DPP6: variants seen among roughly 807,000 people sequenced by gnomAD.
DPP6 encodes A-type potassium channel modulatory protein DPP6.
DPP6 carries 69 observed loss-of-function variants against 122.6 expected under a neutral mutation model. The observed-to-expected ratio is 0.56, with a 90% CI of 0.46 to 0.69. The LOEUF (loss-of-function observed/expected upper bound fraction) is 0.69, where lower values mean the gene tolerates loss of function less well. Among genes scored for constraint, DPP6 ranks in the 30% least tolerant of loss-of-function variants. The pLI, the probability that DPP6 is intolerant of heterozygous loss-of-function variation, is 0.00. For synonymous variants in DPP6, 418 were observed against 433.1 expected (o/e 0.97, Z 0.43); for missense variants, 928 against 1,116.9 (o/e 0.83, Z 2.41).
chr7:153,916,847 AAAG>A (rs567684868), intron 1 of DPP6, among the ~76,000 whole-genome samples: 1 of 152,338 alleles, frequency 6.6e-6, no homozygotes, highest in East Asian at 1.9e-4. Context: ...TGTGTATTTT[AAAG>A]AAGAATTTCT....
intron 8 of DPP6, among the ~76,000 whole-genome samples, chr7:154,746,464 C>T (rs1268047466): frequency 2.0e-5 from 3 of 152,146 alleles, no homozygotes; most frequent in African/African-American, 7.2e-5. Context: ...GCACCCCTCA[C>T]CCCCAGCTTG....
chr7:153,992,090 C>T (rs952877110), intron 1 of DPP6, among the ~76,000 whole-genome samples: 1 of 151,964 alleles, frequency 6.6e-6, no homozygotes, highest in Admixed American at 6.6e-5. Context: ...GGTGGAGCCT[C>T]ATGATTTGAA....
intron 1 of DPP6, among the ~76,000 whole-genome samples, chr7:154,125,683 G>C (rs1585428786): frequency 6.6e-6 from 1 of 152,182 alleles, no homozygotes; most frequent in African/African-American, 2.4e-5. Flanking sequence ...TAGGTGTGAT[G>C]GCTCCTTGGG....
At chr7:154,007,585 G>T (rs1346281777) in intron 1 of DPP6, among the ~76,000 whole-genome samples, 1 of 152,146 alleles carries the variant, frequency 6.6e-6, no homozygotes, top group East Asian at 1.9e-4. Context: ...AGATGAGGCC[G>T]CAAGTACTTA....
At chr7:154,536,145 A>T (rs189078793) in intron 3 of DPP6, among the ~76,000 whole-genome samples, 7 of 152,292 alleles carry the variant, frequency 4.6e-5, no homozygotes, top group Non-Finnish European at 7.4e-5. Context: ...ATGGAATAAC[A>T]TGGATAAATC....
chr7:154,450,539 T>A (rs1361648573), intron 2 of DPP6, among the ~76,000 whole-genome samples: 1 of 142,922 alleles, frequency 7.0e-6, no homozygotes, highest in African/African-American at 2.8e-5. Context: ...AAAACTTGTG[T>A]AACTCCAAAG....
At chr7:153,808,411 ATG>A in the DPP6 span, among the ~76,000 whole-genome samples, 5 of 141,768 alleles carry the variant, frequency 3.5e-5, no homozygotes, top group Non-Finnish European at 5.9e-5. Flanking sequence ...GTGTGCCTGT[ATG>A]TGTGTCTGTG....
intron 16 of DPP6, among the ~76,000 whole-genome samples, chr7:154,837,414 G>A (rs572430080): frequency 2.0e-5 from 3 of 151,838 alleles, no homozygotes; most frequent in Admixed American, 1.3e-4. Context: ...ATGTTCACAC[G>A]TGTATGCATA....
the DPP6 span, among the ~76,000 whole-genome samples, chr7:153,844,630 T>G: frequency 2.0e-5 from 3 of 152,244 alleles, no homozygotes; most frequent in Admixed American, 2.0e-4. Flanking sequence ...AAAAGCATTC[T>G]TAGTTCATGG....
At chr7:154,846,646 T>C (rs1801966761) in intron 16 of DPP6, among the ~76,000 whole-genome samples, 1 of 152,188 alleles carries the variant, frequency 6.6e-6, no homozygotes, top group African/African-American at 2.4e-5. Context: ...TGCAAAGATA[T>C]ATGTAAGAGG....
chr7:154,853,719 T>C, intron 16 of DPP6, 61 bp from the exon 17 acceptor site: 1 of 1,478,376 alleles, frequency 6.8e-7, no homozygotes, highest in South Asian at 1.3e-5. Context: ...GTTTTCTTGT[T>C]CTCGGCTAAA....
chr7:154,801,424 C>T lies in DPP6; in HGVS notation c.1369C>T (p.Arg457Ter), dbSNP rs369233708. The T allele has an allele frequency of 3.8e-6, 6 of 1,593,780 alleles. No homozygotes were observed. Among genetic ancestry groups the T allele is most frequent in the Non-Finnish European group, 4.3e-6 (5 of 1,169,352 alleles). The change falls in exon 13 of 26, where the codon CGA (arginine) becomes TGA (stop). Residue 457 changes from arginine to a stop codon, truncating the protein, a stop_gained. Transcript: ENST00000377770. LOFTEE classifies it high-confidence loss of function. ...CATCAGAGCCATCCCCCAGGGAGGA[C>T]GAGGGAAATTCTATCACATCACGGT... Reference protein sequence around the residue: ...FFIRAIPQGGRGKFYHITVSS... With the variant: ...FFIRAIPQGG
upstream of DPP6, among the ~76,000 whole-genome samples, chr7:154,050,491 T>C (rs1351683394): frequency 1.3e-5 from 2 of 152,012 alleles, no homozygotes; most frequent in African/African-American, 4.8e-5. Flanking sequence ...TTTAGTGAAA[T>C]GTCAGGATCG....
chr7:154,584,744 T>C (rs1459533088), intron 5 of DPP6, among the ~76,000 whole-genome samples: 14 of 152,238 alleles, frequency 9.2e-5, no homozygotes, highest in Admixed American at 9.2e-4. Context: ...GAGGGCTTTA[T>C]TGTTATAAAT....
chr7:154,209,555 AC>A (rs750116929), intron 1 of DPP6, among the ~76,000 whole-genome samples: 2,358 of 37,988 alleles, frequency 0.062, 23 homozygotes, highest in Non-Finnish European at 0.16. Flanking sequence ...AAAAAAAAAA[AC>A]AAAAAACCTT....
chr7:154,393,225 T>C (rs1267071326), intron 1 of DPP6, among the ~76,000 whole-genome samples: 1 of 152,128 alleles, frequency 6.6e-6, no homozygotes, highest in Non-Finnish European at 1.5e-5. Flanking sequence ...AAAATGAAGC[T>C]TTAACTGCCC....
intron 1 of DPP6, among the ~76,000 whole-genome samples, chr7:154,107,058 G>T (rs1179999835): frequency 6.6e-6 from 1 of 152,076 alleles, no homozygotes; most frequent in South Asian, 2.1e-4. Flanking sequence ...TAGAATTACT[G>T]GATGATCCAG....
intron 1 of DPP6, among the ~76,000 whole-genome samples, chr7:153,989,792 C>T (rs1235942305): frequency 6.6e-6 from 1 of 151,886 alleles, no homozygotes; most frequent in Non-Finnish European, 1.5e-5. Flanking sequence ...CATGAGAGAG[C>T]GTGGACCACT....
the DPP6 span, among the ~76,000 whole-genome samples, chr7:153,807,387 C>G: frequency 6.6e-6 from 1 of 151,110 alleles, no homozygotes; most frequent in African/African-American, 2.5e-5. Flanking sequence ...TGAGCCTGGG[C>G]CACAGAGCGA....
Sources: allele counts gnomAD v4.1 joint callset (sites outside exome capture counted in the v4.1 genomes callset), GRCh38; gene constraint gnomAD v4.1.1; transcripts MANE v1.5; gene names NCBI Gene and HGNC (gene_info 2026-07-23, HGNC 2026-07-21).